PAPOLA: variants seen among roughly 807,000 people sequenced by gnomAD.
PAPOLA encodes polynucleotide adenylyltransferase alpha.
A neutral mutation model predicts 100.6 loss-of-function variants in PAPOLA; 15 were observed. The ratio of observed to expected loss-of-function variants is 0.15; its 90% CI spans 0.10 to 0.23. The LOEUF is 0.23. Among genes scored for constraint, PAPOLA ranks in the 10% least tolerant of loss-of-function variants. The probability of loss-of-function intolerance (pLI) is 1.00; values close to 1 mark genes in which losing one functional copy is unlikely to be tolerated. For synonymous variants in PAPOLA, 293 were observed against 300.0 expected (o/e 0.98, Z 0.24); for missense variants, 533 against 884.2 (o/e 0.60, Z 5.04).
intron 16 of PAPOLA, among the ~76,000 whole-genome samples, chr14:96,552,012 A>G (rs1286004532): frequency 2.0e-5 from 3 of 152,146 alleles, no homozygotes; most frequent in Non-Finnish European, 4.4e-5. Flanking sequence ...ACTTTTTGAA[A>G]TTAAAAAAAT....
intron 15 of PAPOLA, among the ~76,000 whole-genome samples, chr14:96,546,762 A>C (rs1316956931): frequency 1.3e-5 from 2 of 152,072 alleles, no homozygotes; most frequent in Non-Finnish European, 2.9e-5. Flanking sequence ...TCTTAGAAAA[A>C]CTTGTGTGTT....
chr14:96,521,168 G>C, intron 3 of PAPOLA, 96 bp downstream of exon 3: 1 of 710,678 alleles, frequency 1.4e-6, no homozygotes, highest in East Asian at 2.5e-5. Flanking sequence ...AGTGGATTTG[G>C]AGTCTTTAAT....
chr14:96,566,081 C>A lies in PAPOLA; in HGVS notation c.*1031C>A, dbSNP rs1434450944. 2.5e-6 allele frequency: 1 copy of A among 395,328 alleles called. No individual in the cohort carries two copies. Among genetic ancestry groups the A allele is most frequent in the Non-Finnish European group, 4.5e-6 (1 of 223,914 alleles). 24.5% of individuals were successfully genotyped at this position (395,328 alleles called of 1,614,324 possible). ...TATCTATCTGGGATGGCCATTTGATCTCTAAAAGGAATTTTGTACACTCCA... is the reference window on the plus strand; with the variant it reads ...TATCTATCTGGGATGGCCATTTGATATCTAAAAGGAATTTTGTACACTCCA... On this transcript the variant is annotated 3_prime_UTR_variant, in exon 22 of 22. Coordinates refer to ENST00000216277, the MANE Select transcript of PAPOLA (RefSeq NM_032632.5).
intron 19 of PAPOLA, among the ~76,000 whole-genome samples, chr14:96,560,084 A>G (rs1037589539): frequency 6.6e-6 from 1 of 152,170 alleles, no homozygotes; most frequent in Non-Finnish European, 1.5e-5. Context: ...CACATTTAAA[A>G]TTAAATTTTA....
At chr14:96,543,568 T>C (rs114626370) in intron 14 of PAPOLA, among the ~76,000 whole-genome samples, 2 of 150,968 alleles carry the variant, frequency 1.3e-5, no homozygotes, top group African/African-American at 4.9e-5. Context: ...TAGATTTTTT[T>C]ATTTTGTAAT....
chr14:96,560,978 G>T (rs1182004323), intron 20 of PAPOLA, among the ~76,000 whole-genome samples: 1 of 152,118 alleles, frequency 6.6e-6, no homozygotes, highest in Non-Finnish European at 1.5e-5. Flanking sequence ...GTAATTGAGG[G>T]CTGGGGGCCA....
chr14:96,532,284 TTG>T (rs10533972), intron 7 of PAPOLA, 45 bp from the exon 8 acceptor site: 450,214 of 1,370,960 alleles, frequency 0.33, 49,797 homozygotes, highest in East Asian at 0.59. Context: ...TTGTTTTGTT[TTG>T]TGTGTGTGTG....
chr14:96,535,416 A>G (rs1412808601), intron 10 of PAPOLA: 1 of 983,148 alleles, frequency 1.0e-6, no homozygotes, highest in African/African-American at 1.7e-5. Flanking sequence ...CAACATGGAT[A>G]ATGTAGTTTC....
chr14:96,503,796 T>C (rs1896513915), intron 1 of PAPOLA, among the ~76,000 whole-genome samples: 1 of 152,204 alleles, frequency 6.6e-6, no homozygotes, highest in Admixed American at 6.5e-5. Context: ...TCACCGATTG[T>C]AGTTTTACAA....
intron 3 of PAPOLA, among the ~76,000 whole-genome samples, chr14:96,521,471 A>ATATT (rs753585691): frequency 7.9e-5 from 12 of 152,172 alleles, no homozygotes; most frequent in African/African-American, 1.4e-4. Context: ...TTCAAACTGA[A>ATATT]TATTTATTTA....
rs182832573 is a variant in PAPOLA, at chr14:96,539,892, C to T, written c.1116-2351C>T. On this transcript the variant is annotated intron_variant, in intron 12 of 21. Coordinates refer to ENST00000216277, the MANE Select transcript of PAPOLA (RefSeq NM_032632.5). ...AATTCCTAATGACTCAAAATATTTG[C>T]GGGTTTTTTTTTATTAAACTTAACT... Among the ~76,000 whole-genome samples, 50 of 149,502 alleles carry T rather than the reference C, an allele frequency of 3.3e-4. No individual in the cohort carries two copies. The East Asian group carries it at 7.1e-3, about 21-fold the overall frequency.
At position 96,566,241 on chromosome 14, in the gene PAPOLA, G is replaced by A. The variant is rs1902260583; in HGVS notation, c.*1191G>A. ...TTGTCAGTACATTTTACGTGTAGAA[G>A]CATTTTAAAAATCATTTCTAGCAAG... is the stretch of plus-strand genomic sequence containing the variant. On this transcript the variant is annotated 3_prime_UTR_variant, in exon 22 of 22. Transcript: ENST00000216277. The A allele has an allele frequency of 4.1e-6, 1 of 245,958 alleles. No homozygotes were observed. The highest frequency in any genetic ancestry group is 5.5e-5 in the Admixed American group (1 of 18,240). 15.2% of individuals were successfully genotyped at this position (245,958 alleles called of 1,614,324 possible).
At chr14:96,534,654 T>C in intron 10 of PAPOLA, 91 bp downstream of exon 10, 1 of 1,600,410 alleles carries the variant, frequency 6.2e-7, no homozygotes, top group Non-Finnish European at 8.5e-7. Context: ...TTCCAGCCTT[T>C]TACTTATGAA....
intron 6 of PAPOLA, among the ~76,000 whole-genome samples, chr14:96,529,255 GAGCCTATA>G: frequency 6.6e-6 from 1 of 152,074 alleles, no homozygotes; most frequent in South Asian, 2.1e-4. Flanking sequence ...CTAGTTTTAT[GAGCCTATA>G]ATCTTTATTT....
chr14:96,566,569 C>T lies in PAPOLA; in HGVS notation c.*1519C>T, dbSNP rs1184466264. 1 of 152,514 alleles carries T rather than the reference C, an allele frequency of 6.6e-6. No homozygotes were observed. Among genetic ancestry groups the T allele is most frequent in the African/African-American group, 2.4e-5 (1 of 41,422 alleles). 9.4% of individuals were successfully genotyped at this position (152,514 alleles called of 1,614,324 possible). On this transcript the variant is annotated 3_prime_UTR_variant, in exon 22 of 22. Coordinates refer to ENST00000216277, the MANE Select transcript of PAPOLA (RefSeq NM_032632.5). ...TCCCCTATCCTTCTAAATTAATTTT[C>T]TGAAGTTGGAGTGTAGTCTTTTCCC...
intron 1 of PAPOLA, among the ~76,000 whole-genome samples, chr14:96,504,038 T>G (rs2140212349): frequency 6.6e-6 from 1 of 152,350 alleles, no homozygotes; most frequent in South Asian, 2.1e-4. Flanking sequence ...TGTTTATTGA[T>G]TTTTCCCTTT....
chr14:96,533,427 T>C, intron 9 of PAPOLA: 1 of 982,326 alleles, frequency 1.0e-6, no homozygotes, highest in Non-Finnish European at 1.2e-6. Context: ...TGTGTTCAAC[T>C]GGAGGAAAAA....
intron 1 of PAPOLA, among the ~76,000 whole-genome samples, chr14:96,517,162 C>G (rs1438964375): frequency 1.3e-5 from 2 of 152,154 alleles, no homozygotes; most frequent in African/African-American, 4.8e-5. Context: ...TGAACCAGAT[C>G]TAGCCTAGAC....
At chr14:96,564,731 T>C (rs994792485) in intron 21 of PAPOLA, among the ~76,000 whole-genome samples, 2 of 152,128 alleles carry the variant, frequency 1.3e-5, no homozygotes, top group Non-Finnish European at 2.9e-5. Context: ...TAAAATATTA[T>C]TAAAATATAC....
Sources: gnomAD v4.1 joint callset for allele counts (sites outside exome capture counted in the v4.1 genomes callset) on GRCh38, gnomAD v4.1.1 for gene constraint, MANE v1.5 for transcripts, NCBI Gene and HGNC (gene_info 2026-07-23, HGNC 2026-07-21) for gene names.